Variants in FSHR observed in about 807,000 individuals in gnomAD.
The protein encoded by FSHR is follicle stimulating hormone receptor.
Under a neutral mutation model 52.1 loss-of-function variants are expected in FSHR, and 46 were observed. The observed-to-expected ratio is 0.88, with a 90% CI of 0.70 to 1.13. The LOEUF is 1.13. FSHR is among the 50% of genes most tolerant of loss of function. The pLI, the probability that FSHR is intolerant of heterozygous loss-of-function variation, is 0.00. For synonymous variants in FSHR, 399 were observed against 309.6 expected (o/e 1.29, Z -3.03); for missense variants, 964 against 834.6 (o/e 1.16, Z -1.91).
chr2:49,008,781 T>G (rs1307759773), intron 4 of FSHR, among the ~76,000 whole-genome samples: 1 of 145,492 alleles, frequency 6.9e-6, no homozygotes, highest in South Asian at 2.3e-4. Flanking sequence ...TGGCCAGTGA[T>G]GATGAGCATT....
chr2:49,005,590 G>A (rs7599310), intron 4 of FSHR, among the ~76,000 whole-genome samples: 107,850 of 151,948 alleles, frequency 0.71, 39,071 homozygotes, highest in Admixed American at 0.79. Flanking sequence ...AGGAGGTACT[G>A]GGGGAAGAGA....
chr2:49,054,947 A>C (rs1393850781), intron 2 of FSHR, among the ~76,000 whole-genome samples: 1 of 152,202 alleles, frequency 6.6e-6, no homozygotes, highest in Non-Finnish European at 1.5e-5. Flanking sequence ...CAGATGCATA[A>C]AAATCAATGT....
intron 2 of FSHR, among the ~76,000 whole-genome samples, chr2:49,060,485 C>A (rs1002877095): frequency 6.6e-6 from 1 of 152,162 alleles, no homozygotes; most frequent in Admixed American, 6.6e-5. Context: ...TGGTCACACA[C>A]CCCAGTACCT....
At chr2:49,077,891 A>G (rs1572713252) in intron 1 of FSHR, among the ~76,000 whole-genome samples, 1 of 152,174 alleles carries the variant, frequency 6.6e-6, no homozygotes, top group Admixed American at 6.6e-5. Flanking sequence ...CCTCAGTCTA[A>G]ACGTTATTGT....
intron 1 of FSHR, among the ~76,000 whole-genome samples, chr2:49,068,517 A>C (rs1257694943): frequency 6.6e-6 from 1 of 151,920 alleles, no homozygotes; most frequent in African/African-American, 2.4e-5. Context: ...GAGAACAAAA[A>C]ATTTACCCAG....
chr2:48,998,214 T>A (rs866290470), intron 4 of FSHR, among the ~76,000 whole-genome samples: 6 of 152,078 alleles, frequency 3.9e-5, no homozygotes, highest in South Asian at 2.1e-4. Context: ...ACAAAGCAGA[T>A]ATTTTCTAAT....
chr2:49,132,968 T>TAAAAAAAAAAA (rs34913428), intron 1 of FSHR, among the ~76,000 whole-genome samples: 1 of 48,650 alleles, frequency 2.1e-5, no homozygotes, highest in African/African-American at 8.5e-5. Context: ...TAAAACTCAG[T>TAAAAAAAAAAA]AAAAAAAAAA....
chr2:49,056,946 T>G (rs1302601594), intron 2 of FSHR, among the ~76,000 whole-genome samples: 2 of 151,998 alleles, frequency 1.3e-5, no homozygotes, highest in Non-Finnish European at 2.9e-5. Flanking sequence ...AGAATAAAAT[T>G]TAAATCTTTC....
chr2:49,078,861 C>T (rs1290546230), intron 1 of FSHR, among the ~76,000 whole-genome samples: 5 of 151,862 alleles, frequency 3.3e-5, no homozygotes, highest in African/African-American at 1.2e-4. Context: ...GATACCCTGG[C>T]CTACACAATA....
chr2:49,100,988 A>G (rs1016528712), intron 1 of FSHR, among the ~76,000 whole-genome samples: 12 of 152,182 alleles, frequency 7.9e-5, no homozygotes, highest in African/African-American at 2.9e-4. Context: ...GCCTAGTGAT[A>G]AAAATGGCAA....
chr2:48,990,728 T>C, intron 4 of FSHR, 91 bp from the exon 5 acceptor site: 5 of 834,280 alleles, frequency 6.0e-6, no homozygotes, highest in Admixed American at 1.7e-5. Flanking sequence ...AAAATATCAA[T>C]TTTGAACCAT....
chr2:49,063,598 CAT>C (rs1418911139), intron 2 of FSHR, among the ~76,000 whole-genome samples: 2 of 151,948 alleles, frequency 1.3e-5, no homozygotes, highest in African/African-American at 4.8e-5. Flanking sequence ...TGTTCTCACT[CAT>C]ATGTGGAAGC....
rs184443301 is a variant in FSHR at position 49,127,614 on chromosome 2, C to A, written c.152+26652G>T. The stretch of plus-strand genomic sequence containing the variant: ...TCCAAGGCACAGGTCTACTGACATC[C>A]GCACGATGAAGCTTTCCTTCTCTGA... On this transcript the variant is annotated intron_variant, in intron 1 of 9. Coordinates refer to ENST00000406846, the MANE Select transcript of FSHR (RefSeq NM_000145.4). Among the ~76,000 whole-genome samples the A allele has an allele frequency of 9.9e-5, 15 of 152,028 alleles. No homozygotes were observed. In the East Asian group the frequency reaches 2.3e-3, roughly 24 times the overall value.
At chr2:49,013,038 C>A (rs1667330128) in intron 4 of FSHR, among the ~76,000 whole-genome samples, 1 of 151,740 alleles carries the variant, frequency 6.6e-6, no homozygotes, top group African/African-American at 2.4e-5. Flanking sequence ...AGATAAGACA[C>A]CAGAAACTCA....
chr2:48,989,032 T>G lies in FSHR; in HGVS notation c.469A>C (p.Ile157Leu). The G allele has an allele frequency of 1.9e-6, 3 of 1,613,758 alleles. No individual in the cohort carries two copies. In the Admixed American group the frequency reaches 5.0e-5, roughly 27 times the overall value. The change falls in exon 6 of 10, where the codon ATC becomes CTC. Residue 157 changes from isoleucine to leucine, a missense_variant. Transcript: ENST00000406846. ...AAAGAATTTCTTTCAATTGTGTGGA[T>G]GTTTATGTTATCTTGAATGTCACTA... ...VLLDIQDNIN[I>L]HTIERNSFVG...
At position 48,990,480 on chromosome 2, in the gene FSHR, C is replaced by T. The variant is rs1229810868; in HGVS notation, c.446+86G>A. ...CAATACATTTGGAGGATGTAGACTA[C>T]ACAATGCATATTAAAGGCCCAGATA... On this transcript the variant is annotated intron_variant, in intron 5 of 9. Coordinates refer to ENST00000406846, the MANE Select transcript of FSHR (RefSeq NM_000145.4). The T allele has an allele frequency of 9.1e-6, 8 of 881,452 alleles. No individual in the cohort carries two copies. In the Admixed American group the frequency reaches 1.2e-4, roughly 13 times the overall value. The allele number at this position is 881,452 out of a possible 1,614,324, so 54.6% of individuals were successfully genotyped here.
intron 2 of FSHR, among the ~76,000 whole-genome samples, chr2:49,038,079 A>G (rs1337801860): frequency 1.3e-5 from 2 of 152,242 alleles, no homozygotes; most frequent in African/African-American, 4.8e-5. Flanking sequence ...TAATAGAGTT[A>G]TGTGCTGAAT....
At chr2:48,970,950 T>C (rs1224605060) in intron 8 of FSHR, among the ~76,000 whole-genome samples, 1 of 152,206 alleles carries the variant, frequency 6.6e-6, no homozygotes, top group Non-Finnish European at 1.5e-5. Context: ...CCTGTGACTT[T>C]GGTCTAAGTC....
intron 1 of FSHR, among the ~76,000 whole-genome samples, chr2:49,121,762 A>C (rs1379415982): frequency 6.6e-6 from 1 of 151,966 alleles, no homozygotes; most frequent in Non-Finnish European, 1.5e-5. Flanking sequence ...CCACCGCATC[A>C]AAGTCCCTGA....
Sources: gnomAD v4.1 joint callset for allele counts (sites outside exome capture counted in the v4.1 genomes callset) on GRCh38, gnomAD v4.1.1 for gene constraint, MANE v1.5 for transcripts, NCBI Gene and HGNC (gene_info 2026-07-23, HGNC 2026-07-21) for gene names.